ADAD1: variants seen among roughly 807,000 people sequenced by gnomAD.
ADAD1 encodes the protein adenosine deaminase domain-containing protein 1.
Under a neutral mutation model 66.8 loss-of-function variants are expected in ADAD1, and 46 were observed. That is an observed-to-expected ratio of 0.69 (90% CI 0.54 to 0.88). The LOEUF (loss-of-function observed/expected upper bound fraction) is 0.88. Ranked by LOEUF, ADAD1 falls within the 40% of genes least tolerant of loss-of-function variation. The pLI is 0.00. For synonymous variants in ADAD1, 248 were observed against 229.4 expected (o/e 1.08, Z -0.73); for missense variants, 617 against 681.8 (o/e 0.91, Z 1.06).
intron 7 of ADAD1, among the ~76,000 whole-genome samples, chr4:122,403,272 G>A (rs1340522683): frequency 1.3e-5 from 2 of 152,144 alleles, no homozygotes; most frequent in South Asian, 2.1e-4. Flanking sequence ...TCTGGGTGTA[G>A]CCATCCAGCA....
In ADAD1 at chr4:122,380,101, C is replaced by T. The variant is rs770989160; in HGVS notation, c.32C>T (p.Ser11Leu). The change falls in exon 3 of 13, where the codon TCG (serine) becomes TTG (leucine). Residue 11 changes from serine to leucine, a missense_variant. Coordinates refer to ENST00000296513, the MANE Select transcript of ADAD1 (RefSeq NM_139243.4). MASNNHWFQS[S>L]QVPSFAQMLK... Reference sequence around the variant, plus strand: ...AGCAACAATCATTGGTTTCAGAGTTCGCAGGTCCCCAGCTTTGCCCAGATG... The same window carrying T: ...AGCAACAATCATTGGTTTCAGAGTTTGCAGGTCCCCAGCTTTGCCCAGATG... 1.9e-5 allele frequency: 30 copies of T among 1,613,494 alleles called. No homozygotes were observed. Among genetic ancestry groups the T allele is most frequent in the African/African-American group, 4.0e-5 (3 of 74,878 alleles).
At chr4:122,422,788 C>T (rs558420465) in intron 12 of ADAD1, among the ~76,000 whole-genome samples, 1 of 151,646 alleles carries the variant, frequency 6.6e-6, no homozygotes. Flanking sequence ...GTGTATTCCT[C>T]ACAAACTCTT....
chr4:122,386,678 T>G (rs987153002), intron 5 of ADAD1, among the ~76,000 whole-genome samples: 1 of 152,222 alleles, frequency 6.6e-6, no homozygotes, highest in Non-Finnish European at 1.5e-5. Context: ...GATTTTACAT[T>G]TAAGTCTTTA....
At chr4:122,392,793 C>T in intron 5 of ADAD1, among the ~76,000 whole-genome samples, 1 of 152,220 alleles carries the variant, frequency 6.6e-6, no homozygotes, top group East Asian at 1.9e-4. Context: ...ACTGGAATTT[C>T]TTATCAGATA....
At position 122,407,898 on chromosome 4, in the gene ADAD1, T is replaced by G. The variant is rs1171375765; in HGVS notation, c.725-10T>G. On this transcript the variant is annotated splice_polypyrimidine_tract_variant and intron_variant, in intron 7 of 12. Coordinates refer to ENST00000296513, the MANE Select transcript of ADAD1 (RefSeq NM_139243.4). Reference sequence around the variant, plus strand: ...AAATTAACCTGCTACTGTCTACCTTTTTCTTTCAGCTGGACAACATGAGGT... The same window carrying G: ...AAATTAACCTGCTACTGTCTACCTTGTTCTTTCAGCTGGACAACATGAGGT... 6.2e-7 allele frequency: 1 copy of G among 1,611,890 alleles called. No individual in the cohort carries two copies. The highest frequency in any genetic ancestry group is 8.5e-7 in the Non-Finnish European group (1 of 1,178,832).
chr4:122,380,172 A>G lies in ADAD1; in HGVS notation c.103A>G (p.Thr35Ala), dbSNP rs778031347. The G allele has an allele frequency of 2.5e-6, 4 of 1,614,216 alleles. No homozygotes were observed. Among genetic ancestry groups the G allele is most frequent in the Non-Finnish European group, 1.7e-6 (2 of 1,180,036 alleles). ...PVQPATKTIT[T>A]PTGWSSESYG... ...TCAACCAGCGACAAAGACGATAACTACACCCACAGGATGGTCCTCAGAAAG... is the reference window on the plus strand; with the variant it reads ...TCAACCAGCGACAAAGACGATAACTGCACCCACAGGATGGTCCTCAGAAAG... Residue 35 changes from threonine (T) to alanine (A), a missense_variant, in exon 3 of 13, where the codon ACA becomes GCA. Transcript: ENST00000296513.
At position 122,380,097 on chromosome 4, in the gene ADAD1, A is replaced by C; in HGVS notation, c.28A>C (p.Ser10Arg). The C allele has an allele frequency of 6.2e-7, 1 of 1,613,380 alleles. No individual in the cohort carries two copies. Among genetic ancestry groups the C allele is most frequent in the Non-Finnish European group, 8.5e-7 (1 of 1,179,828 alleles). The change falls in exon 3 of 13, where the codon AGT becomes CGT. Residue 10 changes from serine to arginine, a missense_variant. Transcript: ENST00000296513. MASNNHWFQ[S>R]SQVPSFAQML... ...GGCTAGCAACAATCATTGGTTTCAG[A>C]GTTCGCAGGTCCCCAGCTTTGCCCA... is the stretch of plus-strand genomic sequence containing the variant.
chr4:122,412,163 C>A (rs1796494402), intron 9 of ADAD1, among the ~76,000 whole-genome samples: 1 of 151,828 alleles, frequency 6.6e-6, no homozygotes, highest in Non-Finnish European at 1.5e-5. Context: ...CTAGAAAGAA[C>A]CTTAAAGAAA....
rs376588369 is a variant in ADAD1, at chr4:122,428,229, C to T, written c.1618-1397C>T. ...TTAAATATAAATTAGAAAATATTTA[C>T]ATTATTAGGCAAATTTCTTAGATGT... On this transcript the variant is annotated intron_variant, in intron 12 of 12. Coordinates refer to ENST00000296513, the MANE Select transcript of ADAD1 (RefSeq NM_139243.4). Among the ~76,000 whole-genome samples, 15 of 151,998 alleles carry T rather than the reference C, an allele frequency of 9.9e-5. No individual in the cohort carries two copies. The South Asian group carries it at 2.9e-3, about 29-fold the overall frequency.
intron 6 of ADAD1, among the ~76,000 whole-genome samples, chr4:122,393,935 G>A (rs1795576189): frequency 6.6e-6 from 1 of 152,018 alleles, no homozygotes; most frequent in Admixed American, 6.6e-5. Context: ...GCTTTGGTGG[G>A]CTTGTCATGA....
intron 10 of ADAD1, among the ~76,000 whole-genome samples, chr4:122,414,852 A>G (rs551108217): frequency 2.2e-4 from 33 of 152,134 alleles, no homozygotes; most frequent in Non-Finnish European, 3.5e-4. Flanking sequence ...TGAGAATTCA[A>G]AGCTTTTGGT....
Position 122,387,961 on chromosome 4 carries a change from G to A in ADAD1, c.529+3995G>A, listed in dbSNP as rs192290115. Among the ~76,000 whole-genome samples the A allele has an allele frequency of 7.0e-3, 1,069 of 152,050 alleles. 3 individuals are homozygous for A. The highest frequency in any genetic ancestry group is 0.014 in the Middle Eastern group (4 of 294). On this transcript the variant is annotated intron_variant, in intron 5 of 12. Coordinates refer to ENST00000296513, the MANE Select transcript of ADAD1 (RefSeq NM_139243.4). ...TTTTTAGTAGAAACAGGGTTTTACC[G>A]TGTTAGCCAGGATGGTCTTGATCTC...
intron 5 of ADAD1, among the ~76,000 whole-genome samples, chr4:122,390,647 C>A (rs1223240466): frequency 6.6e-6 from 1 of 152,168 alleles, no homozygotes; most frequent in Admixed American, 6.5e-5. Flanking sequence ...GTCAATTCAG[C>A]TGTTGATACT....
intron 8 of ADAD1, 29 bp from the exon 9 acceptor site, chr4:122,411,193 A>G (rs1202936030): frequency 3.9e-6 from 6 of 1,519,810 alleles, no homozygotes; most frequent in Non-Finnish European, 2.7e-6. Context: ...AAAGTTTATT[A>G]CTTGACAAAA....
intron 10 of ADAD1, among the ~76,000 whole-genome samples, chr4:122,414,002 G>T (rs1248318485): frequency 6.7e-6 from 1 of 149,646 alleles, no homozygotes; most frequent in Non-Finnish European, 1.5e-5. Flanking sequence ...CAATTATATG[G>T]TATAATTTTA....
At chr4:122,411,488 C>T (rs1362249984) in intron 9 of ADAD1, 96 bp downstream of exon 9, 2 of 1,225,664 alleles carry the variant, frequency 1.6e-6, no homozygotes, top group East Asian at 2.7e-5. Flanking sequence ...ATTCTAATTA[C>T]CCGTATTTTC....
intron 12 of ADAD1, among the ~76,000 whole-genome samples, chr4:122,429,244 G>A (rs1328750801): frequency 6.6e-6 from 1 of 151,718 alleles, no homozygotes; most frequent in South Asian, 2.1e-4. Flanking sequence ...GACCACCCTA[G>A]GCAACATGCA....
intron 9 of ADAD1, 86 bp from the exon 10 acceptor site, chr4:122,412,494 T>C: frequency 9.2e-7 from 1 of 1,087,956 alleles, no homozygotes; most frequent in African/African-American, 1.6e-5. Context: ...AAGTTAAACA[T>C]GTTACAGAAC....
rs1560612908 is a variant in ADAD1 at position 122,429,617 on chromosome 4, C to CAAA, written c.1618-9_1618-8insAAA. Reference sequence around the variant, plus strand: ...ATTTTCTATAATTCATTTTTTCTTTCTTCTCTAGTGTATGTCTGCCTCCTA... The same window carrying CAAA: ...ATTTTCTATAATTCATTTTTTCTTTCAAATTCTCTAGTGTATGTCTGCCTCCTA... On this transcript the variant is annotated splice_polypyrimidine_tract_variant and intron_variant, in intron 12 of 12. Coordinates refer to ENST00000296513, the MANE Select transcript of ADAD1 (RefSeq NM_139243.4). 6.4e-7 allele frequency: 1 copy of CAAA among 1,569,568 alleles called. No individual in the cohort carries two copies. Among genetic ancestry groups the CAAA allele is most frequent in the Non-Finnish European group, 8.8e-7 (1 of 1,142,304 alleles).
Sources: allele counts gnomAD v4.1 joint callset (sites outside exome capture counted in the v4.1 genomes callset), GRCh38; gene constraint gnomAD v4.1.1; transcripts MANE v1.5; gene names NCBI Gene and HGNC (gene_info 2026-07-23, HGNC 2026-07-21).